Variants in MTDH observed in about 807,000 individuals in gnomAD.
MTDH encodes the protein metadherin.
Under a neutral mutation model 72.7 loss-of-function variants are expected in MTDH, and 34 were observed. The ratio of observed to expected loss-of-function variants is 0.47; its 90% CI spans 0.36 to 0.62. The LOEUF is 0.62. MTDH is among the 20% of genes least tolerant of loss of function. The pLI is 0.00. For synonymous variants in MTDH, 266 were observed against 268.9 expected (o/e 0.99, Z 0.10); for missense variants, 677 against 699.4 (o/e 0.97, Z 0.36).
At chr8:97,706,131 G>A (rs1814341978) in intron 7 of MTDH, among the ~76,000 whole-genome samples, 1 of 152,162 alleles carries the variant, frequency 6.6e-6, no homozygotes, top group Non-Finnish European at 1.5e-5. Context: ...ATATTGTCAT[G>A]ACTTGGTGAA....
chr8:97,652,168 A>G (rs1811798755), intron 1 of MTDH, among the ~76,000 whole-genome samples: 1 of 152,204 alleles, frequency 6.6e-6, no homozygotes, highest in Admixed American at 6.5e-5. Flanking sequence ...TATGCTGCCT[A>G]AAACCAACAC....
At chr8:97,696,418 G>A in intron 6 of MTDH, 1 of 337,696 alleles carries the variant, frequency 3.0e-6, no homozygotes, top group Admixed American at 6.4e-5. Flanking sequence ...TTATAAAGTG[G>A]CAGAGGCCTT....
chr8:97,696,702 A>T (rs552010122), intron 6 of MTDH, among the ~76,000 whole-genome samples: 32 of 152,332 alleles, frequency 2.1e-4, no homozygotes, highest in African/African-American at 7.5e-4. Context: ...CATAATAACT[A>T]TAAGTATCTG....
intron 6 of MTDH, among the ~76,000 whole-genome samples, chr8:97,691,845 C>T (rs1020620968): frequency 6.6e-6 from 1 of 151,972 alleles, no homozygotes; most frequent in South Asian, 2.1e-4. Context: ...CTCCTGCCCG[C>T]AACTGTATAT....
intron 1 of MTDH, among the ~76,000 whole-genome samples, chr8:97,646,859 A>G (rs1279483559): frequency 6.6e-6 from 1 of 152,220 alleles, no homozygotes; most frequent in Non-Finnish European, 1.5e-5. Context: ...TTGAAGATGT[A>G]TTCGAGAAGT....
At chr8:97,672,326 C>G (rs533281540) in intron 2 of MTDH, among the ~76,000 whole-genome samples, 1 of 152,214 alleles carries the variant, frequency 6.6e-6, no homozygotes, top group African/African-American at 2.4e-5. Flanking sequence ...ATTAAATTCT[C>G]ATTGTAGTCC....
Position 97,674,842 on chromosome 8 carries a change from G to A in MTDH, c.484-11826G>A, listed in dbSNP as rs74520495. 1.5e-4 allele frequency among the ~76,000 whole-genome samples: 23 copies of A among 151,148 alleles called. 1 individual carries two copies. The East Asian group carries it at 4.5e-3, about 29-fold the overall frequency. On this transcript the variant is annotated intron_variant, in intron 2 of 11. Transcript: ENST00000336273. ...TTTTTTTTTCTTGAGACAGAGTCTTGCTCTGTCACCTAGGCTGAACTGCAG... is the reference window on the plus strand; with the variant it reads ...TTTTTTTTTCTTGAGACAGAGTCTTACTCTGTCACCTAGGCTGAACTGCAG...
rs1811539148 is a variant in MTDH at position 97,645,681 on chromosome 8, C to T, written c.381+794C>T. ...ATTCAGGCACCGATTTACTGGGCCA[C>T]GTGTGGAAGTTGCAGAGGGCATCAC... On this transcript the variant is annotated intron_variant, in intron 1 of 11. Coordinates refer to ENST00000336273, the MANE Select transcript of MTDH (RefSeq NM_178812.4). Among the ~76,000 whole-genome samples, 3 of 152,284 alleles carry T rather than the reference C, an allele frequency of 2.0e-5. No individual in the cohort carries two copies. The South Asian group carries it at 6.2e-4, about 32-fold the overall frequency.
At chr8:97,705,500 T>C (rs1031240970) in intron 7 of MTDH, among the ~76,000 whole-genome samples, 1 of 152,144 alleles carries the variant, frequency 6.6e-6, no homozygotes, top group African/African-American at 2.4e-5. Context: ...CTCGGGAGGC[T>C]GAGGCAGGAG....
Position 97,644,341 on chromosome 8 carries a change from C to G in MTDH, c.-166C>G. The G allele has an allele frequency of 4.4e-6, 4 of 904,194 alleles. No individual in the cohort carries two copies. The highest frequency in any genetic ancestry group is 6.3e-6 in the Non-Finnish European group (4 of 635,334). The allele number at this position is 904,194 out of a possible 1,614,324, so 56.0% of individuals were successfully genotyped here. Reference sequence around the variant, plus strand: ...GCGGGGAACCTGGGAGACCCCTCCGCCCTCCCCGCGGTGGCAGCGGCCGAT... The same window carrying G: ...GCGGGGAACCTGGGAGACCCCTCCGGCCTCCCCGCGGTGGCAGCGGCCGAT... On this transcript the variant is annotated 5_prime_UTR_variant, in exon 1 of 12. Transcript: ENST00000336273.
chr8:97,677,044 A>G (rs1812879350), intron 2 of MTDH, among the ~76,000 whole-genome samples: 1 of 139,022 alleles, frequency 7.2e-6, no homozygotes, highest in Admixed American at 7.5e-5. Flanking sequence ...TTAGCCAGGC[A>G]TGATGACGCA....
chr8:97,714,413 G>A (rs1190183510), intron 9 of MTDH, among the ~76,000 whole-genome samples: 2 of 152,112 alleles, frequency 1.3e-5, no homozygotes, highest in Non-Finnish European at 2.9e-5. Flanking sequence ...AGGAGCTTGA[G>A]ACCAGCCTGG....
At chr8:97,692,188 TTTGC>T (rs10546653) in intron 6 of MTDH, among the ~76,000 whole-genome samples, 5,251 of 152,206 alleles carry the variant, frequency 0.034, 279 homozygotes, top group African/African-American at 0.12. Flanking sequence ...GGCCTATAGT[TTTGC>T]TTTAGTGTTT....
chr8:97,686,840 A>G, intron 3 of MTDH, 88 bp downstream of exon 3: 1 of 872,452 alleles, frequency 1.1e-6, no homozygotes, highest in South Asian at 1.9e-5. Context: ...TGTTTTACTT[A>G]ATTTTGTGTT....
In MTDH at chr8:97,669,137, A is replaced by G. The variant is rs138902750; in HGVS notation, c.483+7964A>G. On this transcript the variant is annotated intron_variant, in intron 2 of 11. Transcript: ENST00000336273. Reference sequence around the variant, plus strand: ...GATTTAAATGTTTTCACAGAGTTTTACAGCTATCACCACAATCTAATTTTT... The same window carrying G: ...GATTTAAATGTTTTCACAGAGTTTTGCAGCTATCACCACAATCTAATTTTT... Among the ~76,000 whole-genome samples the G allele has an allele frequency of 1.6e-3, 240 of 152,272 alleles. 1 individual carries two copies. The highest frequency in any genetic ancestry group is 2.9e-3 in the Non-Finnish European group (199 of 68,014).
intron 1 of MTDH, among the ~76,000 whole-genome samples, chr8:97,660,399 G>A (rs2130931262): frequency 1.3e-5 from 2 of 152,220 alleles, no homozygotes; most frequent in Middle Eastern, 6.8e-3. Flanking sequence ...ACATTCATTT[G>A]TTTATGTATC....
intron 2 of MTDH, among the ~76,000 whole-genome samples, chr8:97,669,805 A>G (rs997205081): frequency 2.0e-5 from 3 of 150,668 alleles, no homozygotes; most frequent in African/African-American, 7.3e-5. Context: ...AATCCCAGCT[A>G]TTTGGGAGGG....
intron 1 of MTDH, among the ~76,000 whole-genome samples, chr8:97,654,630 T>G (rs942030551): frequency 5.3e-5 from 8 of 152,126 alleles, no homozygotes; most frequent in Non-Finnish European, 1.5e-5. Context: ...TAGGTATACA[T>G]GTGCCATGGT....
In MTDH at chr8:97,668,451, C is replaced by CA. The variant is rs920643203; in HGVS notation, c.483+7287dup. Among the ~76,000 whole-genome samples, 11 of 145,440 alleles carry CA rather than the reference C, an allele frequency of 7.6e-5. 1 individual carries two copies. In the South Asian group the frequency reaches 1.1e-3, roughly 14 times the overall value. On this transcript the variant is annotated intron_variant, in intron 2 of 11. Coordinates refer to ENST00000336273, the MANE Select transcript of MTDH (RefSeq NM_178812.4). ...ATCTCCTGAGGGCTGTGTCATGGGC[C>CA]AAAAAAAAAGAAAGAAAAGGAAAAA...
Sources: allele counts gnomAD v4.1 joint callset (sites outside exome capture counted in the v4.1 genomes callset), GRCh38; gene constraint gnomAD v4.1.1; transcripts MANE v1.5; gene names NCBI Gene and HGNC (gene_info 2026-07-23, HGNC 2026-07-21).